Variants in ILKAP observed in about 807,000 individuals in gnomAD.
ILKAP encodes the protein ILK associated serine/threonine phosphatase.
Under a neutral mutation model 49.1 loss-of-function variants are expected in ILKAP, and 11 were observed. The observed-to-expected ratio is 0.22, with a 90% CI of 0.14 to 0.37. ILKAP has a LOEUF of 0.37. Ranked by LOEUF, ILKAP falls within the 10% of genes least tolerant of loss-of-function variation. The probability of loss-of-function intolerance (pLI) is 1.00; values close to 1 mark genes in which losing one functional copy is unlikely to be tolerated. For missense variants in ILKAP, 363 were observed against 510.8 expected (o/e 0.71, Z 2.79); for synonymous variants, 186 against 192.8 (o/e 0.96, Z 0.29).
At position 238,192,242 on chromosome 2, in the gene ILKAP, A is replaced by G. The variant is rs557724396; in HGVS notation, c.178+2033T>C. On this transcript the variant is annotated intron_variant, in intron 3 of 11. Coordinates refer to ENST00000254654, the MANE Select transcript of ILKAP (RefSeq NM_030768.3). ...GAAAAAGAAAAAGAAAAAAAGAAAA[A>G]TAATAAAATTTCAAAATAAAGACAC... Among the ~76,000 whole-genome samples, 3 of 152,094 alleles carry G rather than the reference A, an allele frequency of 2.0e-5. No homozygotes were observed. The East Asian group carries it at 5.8e-4, about 29-fold the overall frequency.
At chr2:238,202,437 G>A (rs963113701) in intron 1 of ILKAP, among the ~76,000 whole-genome samples, 2 of 152,048 alleles carry the variant, frequency 1.3e-5, no homozygotes, top group South Asian at 2.1e-4. Flanking sequence ...CTTAGAAAGC[G>A]AAGGCTGGGC....
At chr2:238,187,753 C>T (rs1559295799) in intron 5 of ILKAP, among the ~76,000 whole-genome samples, 2 of 152,180 alleles carry the variant, frequency 1.3e-5, no homozygotes, top group South Asian at 4.1e-4. Context: ...TAAGGAGTAA[C>T]ACACGCTGCA....
chr2:238,176,053 C>G (rs544433781), intron 9 of ILKAP, among the ~76,000 whole-genome samples: 25 of 151,802 alleles, frequency 1.6e-4, no homozygotes, highest in African/African-American at 5.1e-4. Flanking sequence ...AAAGTTCAAA[C>G]AAACTGCCCA....
intron 8 of ILKAP, among the ~76,000 whole-genome samples, chr2:238,182,884 T>C (rs1693754335): frequency 6.6e-6 from 1 of 152,340 alleles, no homozygotes; most frequent in Non-Finnish European, 1.5e-5. Flanking sequence ...TCATCTGTTA[T>C]AGTCTCTGCC....
intron 1 of ILKAP, among the ~76,000 whole-genome samples, chr2:238,202,316 C>T (rs1694603670): frequency 2.0e-5 from 3 of 152,172 alleles, no homozygotes; most frequent in African/African-American, 7.2e-5. Context: ...TGCCTCCTTC[C>T]CCAGTCTCTC....
chr2:238,203,544 A>C lies in ILKAP; in HGVS notation c.10T>G (p.Phe4Val). MDLFGDLPEPERSP... is the reference protein window; with the variant it reads MDLVGDLPEPERSP... ...CGCTCGGGCTCCGGCAGGTCCCCGA[A>C]GAGGTCCATGGCGGAGGCTGGGTGG... The change falls in exon 1 of 12, where the codon TTC (phenylalanine) becomes GTC (valine). Residue 4 changes from phenylalanine (F) to valine (V), a missense_variant. Physicochemically the swap from Phe to Val is conservative, Grantham distance 50. Coordinates refer to ENST00000254654, the MANE Select transcript of ILKAP (RefSeq NM_030768.3). 1 of 1,208,712 alleles carries C rather than the reference A, an allele frequency of 8.3e-7. No homozygotes were observed. Among genetic ancestry groups the C allele is most frequent in the Non-Finnish European group, 1.0e-6 (1 of 967,530 alleles). The allele number at this position is 1,208,712 out of a possible 1,614,324, so 74.9% of individuals were successfully genotyped here. A position where few individuals can be genotyped will look rare whatever the true frequency, so the allele number is the denominator to read the frequency against.
rs749799391 is a variant in ILKAP, at chr2:238,194,293, C to A, written c.160G>T (p.Ala54Ser). The A allele has an allele frequency of 6.2e-7, 1 of 1,613,968 alleles. No homozygotes were observed. Among genetic ancestry groups the A allele is most frequent in the East Asian group, 2.2e-5 (1 of 44,874 alleles). Residue 54 changes from alanine (A) to serine (S), a missense_variant, in exon 3 of 12, where the codon GCT becomes TCT. Around this residue, in one of 3 missense-constraint regions of ILKAP, gnomAD observed 114 missense variants for 116.0 expected, o/e 0.98. Transcript: ENST00000254654. ...GPLLFDDLPP[A>S]SSGDSGSLAT... ...CACTTACCTGAATCGCCACTGCTAG[C>A]GGGTGGGAGATCATCAAAAAGCAAA...
chr2:238,188,459 G>T (rs998895241), intron 4 of ILKAP: 1 of 557,286 alleles, frequency 1.8e-6, no homozygotes, highest in Non-Finnish European at 3.1e-6. Flanking sequence ...GACAGGGTGA[G>T]CTCTAAGAGG....
intron 1 of ILKAP, among the ~76,000 whole-genome samples, chr2:238,202,830 C>T (rs1694624884): frequency 6.7e-6 from 1 of 150,154 alleles, no homozygotes; most frequent in Admixed American, 6.7e-5. Context: ...GGGGCCAGCG[C>T]TTAGGAGATG....
At chr2:238,202,670 G>A (rs1019195600) in intron 1 of ILKAP, among the ~76,000 whole-genome samples, 6 of 152,138 alleles carry the variant, frequency 3.9e-5, no homozygotes, top group Admixed American at 3.9e-4. Context: ...ACAACATCAA[G>A]CTGGAAGTCT....
At chr2:238,173,893 G>A (rs1345358854) in intron 9 of ILKAP, 7 of 524,286 alleles carry the variant, frequency 1.3e-5, no homozygotes, top group Non-Finnish European at 2.4e-5. Flanking sequence ...CACCTCCAGT[G>A]GCTGCCAAGC....
intron 3 of ILKAP, 97 bp downstream of exon 3, chr2:238,194,178 A>T: frequency 9.5e-7 from 1 of 1,049,610 alleles, no homozygotes; most frequent in Non-Finnish European, 1.5e-6. Flanking sequence ...ACTTAATGTC[A>T]TCCAAAATCC....
rs1017948259 is a variant in ILKAP at position 238,174,679 on chromosome 2, A to G, written c.837-1026T>C. 8.6e-4 allele frequency among the ~76,000 whole-genome samples: 131 copies of G among 152,242 alleles called. 1 individual carries two copies. Among genetic ancestry groups the G allele is most frequent in the African/African-American group, 3.0e-3 (125 of 41,526 alleles). On this transcript the variant is annotated intron_variant, in intron 9 of 11. Transcript: ENST00000254654. ...TCACAGGTCAGTATCCGTAACAAAC[A>G]TGTTTTTTCTTCTTCAAAGACTTCT...
At chr2:238,171,306 C>A (rs1444730806) in intron 10 of ILKAP, among the ~76,000 whole-genome samples, 5 of 151,856 alleles carry the variant, frequency 3.3e-5, no homozygotes, top group Admixed American at 6.6e-5. Context: ...ATTACAGGTG[C>A]CCGGCACCAC....
At chr2:238,194,517 G>A in intron 2 of ILKAP, 186 bp from the exon 3 acceptor site, 1 of 612,620 alleles carries the variant, frequency 1.6e-6, no homozygotes, top group Non-Finnish European at 2.9e-6. Flanking sequence ...TTATTTCAAA[G>A]GAAATAAAAA....
chr2:238,177,189 G>C (rs2106328127), intron 9 of ILKAP, among the ~76,000 whole-genome samples: 1 of 152,258 alleles, frequency 6.6e-6, no homozygotes, highest in East Asian at 1.9e-4. Context: ...CTTTTGTTAA[G>C]AAATACTGGA....
Position 238,196,715 on chromosome 2 carries a change from A to G in ILKAP, c.56-1845T>C, listed in dbSNP as rs146724439. The stretch of plus-strand genomic sequence containing the variant: ...GGGTCTTTGCGTCAGAAGTACCTAA[A>G]ATACACAAGAAATTCCTGAGTTAAC... On this transcript the variant is annotated intron_variant, in intron 1 of 11. Transcript: ENST00000254654. Among the ~76,000 whole-genome samples, 178 of 152,334 alleles carry G rather than the reference A, an allele frequency of 1.2e-3. 2 individuals are homozygous for G. Among genetic ancestry groups the G allele is most frequent in the African/African-American group, 4.2e-3 (175 of 41,566 alleles).
At chr2:238,180,508 G>A (rs1232023089) in intron 9 of ILKAP, among the ~76,000 whole-genome samples, 2 of 152,184 alleles carry the variant, frequency 1.3e-5, no homozygotes, top group African/African-American at 4.8e-5. Flanking sequence ...TAGTAGATTT[G>A]GAAATGTTTT....
In ILKAP at chr2:238,170,513, T is replaced by C; in HGVS notation, c.*23A>G. 2 of 1,577,234 alleles carry C rather than the reference T, an allele frequency of 1.3e-6. No homozygotes were observed. The highest frequency in any genetic ancestry group is 8.7e-7 in the Non-Finnish European group (1 of 1,155,830). Reference sequence around the variant, plus strand: ...GAACCTTTTAAGTCAATACCATGCGTGCTCCTGGCCGCGCGCCACCCCTCA... The same window carrying C: ...GAACCTTTTAAGTCAATACCATGCGCGCTCCTGGCCGCGCGCCACCCCTCA... On this transcript the variant is annotated 3_prime_UTR_variant, in exon 12 of 12. Transcript: ENST00000254654.
Sources: allele counts gnomAD v4.1 joint callset (sites outside exome capture counted in the v4.1 genomes callset), GRCh38; gene constraint gnomAD v4.1.1; regional missense constraint gnomAD v4.1.1; transcripts MANE v1.5; gene names NCBI Gene and HGNC (gene_info 2026-07-23, HGNC 2026-07-21).